The following NLRP1 variants were observed in gnomAD, a reference collection of about 807,000 sequenced individuals.
The protein encoded by NLRP1 is NACHT, LRR and PYD domains-containing protein 1.
A neutral mutation model predicts 136.7 loss-of-function variants in NLRP1; 94 were observed. The observed-to-expected ratio is 0.69, with a 90% CI of 0.58 to 0.82. The LOEUF is 0.82. Ranked by LOEUF, NLRP1 falls within the 40% of genes least tolerant of loss-of-function variation. The probability of loss-of-function intolerance (pLI) is 0.00; values close to 1 mark genes in which losing one functional copy is unlikely to be tolerated. For missense variants in NLRP1, 1,575 were observed against 1,802.7 expected, an observed-to-expected ratio of 0.87 and a Z score of 2.29; for synonymous variants, 690 against 725.1, an observed-to-expected ratio of 0.95 and a Z score of 0.78.
At chr17:5,521,356 G>C (rs1280821159) in intron 13 of NLRP1, among the ~76,000 whole-genome samples, 168 bp downstream of exon 13, 1 of 152,196 alleles carries the variant, frequency 6.6e-6, no homozygotes. Flanking sequence ...AGAGGCAGGA[G>C]ACCAGTCCAA....
At position 5,530,591 on chromosome 17, in the gene NLRP1, C is replaced by T. The variant is rs1381565910; in HGVS notation, c.3410G>A (p.Gly1137Asp). The change falls in exon 12 of 17, where the codon GGT becomes GAT. Residue 1137 changes from glycine (G) to aspartate (D), a missense_variant. Transcript: ENST00000572272. ...IEFCVWDQFL[G>D]EINPQHSWMV... ...CCAGCTGTGCTGTGGGTTGATCTCA[C>T]CCAGGAACTGGTCCCACACACAGAA... is the stretch of plus-strand genomic sequence containing the variant. The T allele has an allele frequency of 6.2e-7, 1 of 1,614,092 alleles. No individual in the cohort carries two copies. The highest frequency in any genetic ancestry group is 8.5e-7 in the Non-Finnish European group (1 of 1,180,038).
chr17:5,542,160 C>A (rs774292263), intron 5 of NLRP1, 133 bp from the exon 6 acceptor site: 1 of 745,746 alleles, frequency 1.3e-6, no homozygotes, highest in Middle Eastern at 2.4e-4. Flanking sequence ...CCCTCCCAGG[C>A]CCCAGAAATG....
rs766538219 is a variant in NLRP1, at chr17:5,583,840, C to T, written c.118G>A (p.Glu40Lys). 2 of 1,568,712 alleles carry T rather than the reference C, an allele frequency of 1.3e-6. No homozygotes were observed. The highest frequency in any genetic ancestry group is 2.7e-5 in the African/African-American group (2 of 74,086). ...NKAHSRSSSG[E>K]TPAQPEKTSG... The stretch of plus-strand genomic sequence containing the variant: ...GTCTTCTCTGGCTGAGCGGGTGTCT[C>T]ACCCGAAGAGCTCCTGGAGTGCGCT... The change falls in exon 1 of 17, where the codon GAG (glutamate) becomes AAG (lysine). Residue 40 changes from glutamate (E) to lysine (K), a missense_variant. Physicochemically the swap from Glu to Lys is moderately conservative, Grantham distance 56. Coordinates refer to ENST00000572272, the MANE Select transcript of NLRP1 (RefSeq NM_033004.4). This position sits in a 1 kb window ranked among gnomAD's most constrained non-coding sequence, Gnocchi z 4.5.
At position 5,581,863 on chromosome 17, in the gene NLRP1, G is replaced by A. The variant is rs1186671336; in HGVS notation, c.648C>T (p.Tyr216=). ...AGGAGCTCAGTAGGGTCTCACCTGT[G>A]TAGTAAATTCCTGACGTTTCATCCA... ...WPLDETSGIY[Y]TEIREREREK... Residue 216 remains tyrosine, a synonymous_variant, in exon 3 of 17, where the codon TAC becomes TAT. Transcript: ENST00000572272. 3 of 1,611,356 alleles carry A rather than the reference G, an allele frequency of 1.9e-6. No individual in the cohort carries two copies. Among genetic ancestry groups the A allele is most frequent in the Admixed American group, 3.3e-5 (2 of 60,028 alleles).
chr17:5,556,480 A>G (rs72827634), intron 4 of NLRP1, among the ~76,000 whole-genome samples: 18,498 of 151,318 alleles, frequency 0.12, 2,013 homozygotes, highest in East Asian at 0.58. Context: ...AAAAAAAAAA[A>G]AAATACCCCA....
At position 5,583,903 on chromosome 17, in the gene NLRP1, C is replaced by T. The variant is rs754678021; in HGVS notation, c.55G>A (p.Glu19Lys). ...LACYLEFLKK[E>K]ELKEFQLLLA... ...AGAAGCTGGAACTCCTTCAGCTCCT[C>T]CTTCTTCAGGAACTCCAAGTAACAG... Residue 19 changes from glutamate to lysine, a missense_variant, in exon 1 of 17, where the codon GAG becomes AAG. Glu to Lys is a moderately conservative substitution (Grantham distance 56). Coordinates refer to ENST00000572272, the MANE Select transcript of NLRP1 (RefSeq NM_033004.4). This position sits in a 1 kb window ranked among gnomAD's most constrained non-coding sequence, Gnocchi z 4.5. 6.2e-7 allele frequency: 1 copy of T among 1,606,462 alleles called. No homozygotes were observed. The highest frequency in any genetic ancestry group is 8.5e-7 in the Non-Finnish European group (1 of 1,175,996).
chr17:5,562,635 C>T (rs1322781886), intron 3 of NLRP1, among the ~76,000 whole-genome samples: 1 of 152,202 alleles, frequency 6.6e-6, no homozygotes, highest in African/African-American at 2.4e-5. Flanking sequence ...AGTGTATCTC[C>T]TGGTGATCAC....
At chr17:5,562,247 G>A (rs960981000) in intron 3 of NLRP1, among the ~76,000 whole-genome samples, 21 of 152,232 alleles carry the variant, frequency 1.4e-4, no homozygotes, top group African/African-American at 5.1e-4. Flanking sequence ...ACCCACTTCT[G>A]CAGATCCTAG....
chr17:5,517,029 G>A (rs146720655), intron 15 of NLRP1, among the ~76,000 whole-genome samples: 72 of 152,270 alleles, frequency 4.7e-4, no homozygotes, highest in African/African-American at 1.3e-3. Flanking sequence ...AATACTGAGC[G>A]ATACAGGGGA....
chr17:5,501,914 C>A, intron 15 of NLRP1: 1 of 1,577,542 alleles, frequency 6.3e-7, no homozygotes, highest in Non-Finnish European at 8.7e-7. Flanking sequence ...TATTTGAGTC[C>A]CAGTAGATTG....
At chr17:5,507,086 T>C (rs1053634147) in intron 15 of NLRP1, among the ~76,000 whole-genome samples, 2 of 152,036 alleles carry the variant, frequency 1.3e-5, no homozygotes, top group African/African-American at 2.4e-5. Context: ...TCCCAGGGGC[T>C]GAAAGGAGGC....
downstream of NLRP1, chr17:5,512,030 CT>C: frequency 1.6e-6 from 1 of 623,254 alleles, no homozygotes; most frequent in Non-Finnish European, 3.0e-6. Flanking sequence ...AATGACAGTA[CT>C]AGTTGTTATC....
intron 3 of NLRP1, among the ~76,000 whole-genome samples, chr17:5,573,300 G>C (rs1904633976): frequency 6.6e-6 from 1 of 152,204 alleles, no homozygotes; most frequent in Non-Finnish European, 1.5e-5. Flanking sequence ...GGCTTGAGTA[G>C]GTAAACAAAG....
At position 5,566,738 on chromosome 17, in the gene NLRP1, C is replaced by T. The variant is rs148968573; in HGVS notation, c.653-6695G>A. ...TTGCTGATTTTCTGTCTGGAAGATA[C>T]GTCCAATGCTAAAAGTGGGGTGTTA... On this transcript the variant is annotated intron_variant, in intron 3 of 16. Coordinates refer to ENST00000572272, the MANE Select transcript of NLRP1 (RefSeq NM_033004.4). Among the ~76,000 whole-genome samples the T allele has an allele frequency of 9.7e-4, 147 of 152,132 alleles. 1 individual carries two copies. Among genetic ancestry groups the T allele is most frequent in the Non-Finnish European group, 1.5e-3 (103 of 67,930 alleles).
chr17:5,562,511 C>T (rs1914874609), intron 3 of NLRP1, among the ~76,000 whole-genome samples: 1 of 152,182 alleles, frequency 6.6e-6, no homozygotes, highest in Admixed American at 6.5e-5. Context: ...TCAGAAGGGT[C>T]TTGTCTAAGG....
chr17:5,571,396 C>A (rs1904334764), intron 3 of NLRP1, among the ~76,000 whole-genome samples: 1 of 152,190 alleles, frequency 6.6e-6, no homozygotes, highest in Admixed American at 6.5e-5. Flanking sequence ...ATCTAATAAA[C>A]AACTTCAGCA....
At chr17:5,560,206 G>C (rs549175568) in intron 3 of NLRP1, among the ~76,000 whole-genome samples, 163 bp from the exon 4 acceptor site, 34 of 152,350 alleles carry the variant, frequency 2.2e-4, no homozygotes, top group Admixed American at 2.2e-3. Flanking sequence ...CTTTGGGGTA[G>C]AATATCCCAG....
downstream of NLRP1, among the ~76,000 whole-genome samples, chr17:5,513,939 G>A (rs908121494): frequency 1.3e-5 from 2 of 152,088 alleles, no homozygotes; most frequent in Non-Finnish European, 2.9e-5. Context: ...GTTTACGAAC[G>A]CCATGGCAGC....
At chr17:5,576,839 G>A (rs571064110) in intron 3 of NLRP1, among the ~76,000 whole-genome samples, 2 of 152,316 alleles carry the variant, frequency 1.3e-5, no homozygotes, top group South Asian at 4.1e-4. Flanking sequence ...TATCCCTGAT[G>A]AACATTGATG....
Sources: gnomAD v4.1 joint callset for allele counts (sites outside exome capture counted in the v4.1 genomes callset) on GRCh38, gnomAD v4.1.1 for gene constraint, Gnocchi (gnomAD v3.1) non-coding constraint, MANE v1.5 for transcripts, NCBI Gene and HGNC (gene_info 2026-07-23, HGNC 2026-07-21) for gene names.